Variants in ENOPH1 observed in about 807,000 individuals in gnomAD.
ENOPH1 encodes the protein enolase-phosphatase E1.
ENOPH1 carries 14 observed loss-of-function variants against 31.1 expected under a neutral mutation model. The ratio of observed to expected loss-of-function variants is 0.45; its 90% CI spans 0.30 to 0.70. ENOPH1 has a LOEUF of 0.70. Among genes scored for constraint, ENOPH1 ranks in the 30% least tolerant of loss-of-function variants. The pLI, the probability that ENOPH1 is intolerant of heterozygous loss-of-function variation, is 0.09. For missense variants in ENOPH1, 243 were observed against 321.5 expected (o/e 0.76, Z 1.87); for synonymous variants, 127 against 123.2 (o/e 1.03, Z -0.21).
chr4:82,438,954 A>G (rs1447542210), intron 1 of ENOPH1, among the ~76,000 whole-genome samples: 2 of 152,168 alleles, frequency 1.3e-5, no homozygotes, highest in Admixed American at 6.5e-5. Context: ...TTTGATTTTC[A>G]AAACTGGTTT....
chr4:82,433,761 T>A (rs750466622), intron 1 of ENOPH1, among the ~76,000 whole-genome samples: 4 of 152,216 alleles, frequency 2.6e-5, no homozygotes, highest in African/African-American at 7.2e-5. Context: ...TTTGTGAGAT[T>A]TCAAGAGAGT....
chr4:82,452,520 G>A lies in ENOPH1; in HGVS notation c.389+1275G>A, dbSNP rs532482284. Among the ~76,000 whole-genome samples the A allele has an allele frequency of 5.3e-5, 8 of 152,160 alleles. No homozygotes were observed. The East Asian group carries it at 1.4e-3, about 26-fold the overall frequency. Reference sequence around the variant, plus strand: ...TTGGCCAGGCTGGTCTTGAACTCCTGACCTCAAGTGGTCCACCCCATCTCA... The same window carrying A: ...TTGGCCAGGCTGGTCTTGAACTCCTAACCTCAAGTGGTCCACCCCATCTCA... On this transcript the variant is annotated intron_variant, in intron 3 of 5. Coordinates refer to ENST00000273920, the MANE Select transcript of ENOPH1 (RefSeq NM_021204.5).
intron 4 of ENOPH1, 151 bp from the exon 5 acceptor site, chr4:82,456,764 T>C: frequency 1.2e-6 from 1 of 824,356 alleles, no homozygotes; most frequent in Non-Finnish European, 1.8e-6. Flanking sequence ...TATTTTTACT[T>C]TGTATAGCCT....
chr4:82,448,261 G>T (rs376042355), intron 2 of ENOPH1, among the ~76,000 whole-genome samples: 11 of 125,654 alleles, frequency 8.8e-5, no homozygotes, highest in African/African-American at 2.1e-4. Context: ...GTTTTGTTTT[G>T]TTTTTTTTGT....
At chr4:82,435,022 A>G (rs1721871511) in intron 1 of ENOPH1, among the ~76,000 whole-genome samples, 1 of 152,156 alleles carries the variant, frequency 6.6e-6, no homozygotes, top group South Asian at 2.1e-4. Flanking sequence ...AGTTTTCCTT[A>G]GATGTTCCCA....
intron 1 of ENOPH1, among the ~76,000 whole-genome samples, chr4:82,441,777 A>AAACAAC (rs550702052): frequency 1.3e-5 from 2 of 149,676 alleles, no homozygotes; most frequent in African/African-American, 2.4e-5. Flanking sequence ...GTCTCTACAA[A>AAACAAC]AACAACAACA....
rs1306068570 is a variant in ENOPH1 at position 82,430,759 on chromosome 4, C to T, written c.-71C>T. On this transcript the variant is annotated 5_prime_UTR_variant, in exon 1 of 6. Transcript: ENST00000273920. ...GGAAGCCCAAGACGGTACCGGGGGC[C>T]GCAGCCGCAGCCGGCGCCGCCCTCC... 4.8e-6 allele frequency: 7 copies of T among 1,465,806 alleles called. No homozygotes were observed. The highest frequency in any genetic ancestry group is 6.7e-6 in the Non-Finnish European group (7 of 1,049,468). 90.8% of individuals were successfully genotyped at this position (1,465,806 alleles called of 1,614,324 possible).
intron 1 of ENOPH1, among the ~76,000 whole-genome samples, chr4:82,434,062 A>G (rs144080221): frequency 1.8e-3 from 281 of 152,294 alleles, no homozygotes; most frequent in African/African-American, 6.6e-3. Flanking sequence ...TACTGTCTAC[A>G]CTTTACTTAG....
At chr4:82,432,449 A>G (rs1721796328) in intron 1 of ENOPH1, among the ~76,000 whole-genome samples, 1 of 152,052 alleles carries the variant, frequency 6.6e-6, no homozygotes, top group African/African-American at 2.4e-5. Flanking sequence ...GCTTCAAGCG[A>G]TTCTTCTGTC....
chr4:82,431,438 A>G (rs1721756749), intron 1 of ENOPH1, among the ~76,000 whole-genome samples: 1 of 152,194 alleles, frequency 6.6e-6, no homozygotes, highest in Non-Finnish European at 1.5e-5. Flanking sequence ...TTAGTGGCCA[A>G]ACTGCACAGT....
chr4:82,445,060 A>AT (rs1722143233), intron 1 of ENOPH1, among the ~76,000 whole-genome samples: 1 of 152,090 alleles, frequency 6.6e-6, no homozygotes, highest in African/African-American at 2.4e-5. Context: ...TTTACAAAAC[A>AT]TTTTTTAAAA....
At chr4:82,457,552 G>C (rs1301709729) in intron 5 of ENOPH1, among the ~76,000 whole-genome samples, 1 of 152,190 alleles carries the variant, frequency 6.6e-6, no homozygotes, top group Non-Finnish European at 1.5e-5. Context: ...ATGTGGGGAA[G>C]TGGCATTGAA....
chr4:82,440,290 T>G (rs1455934083), intron 1 of ENOPH1, among the ~76,000 whole-genome samples: 1 of 152,192 alleles, frequency 6.6e-6, no homozygotes, highest in East Asian at 1.9e-4. Context: ...GAAACCTCTT[T>G]GGGGAATCAA....
intron 3 of ENOPH1, 98 bp from the exon 4 acceptor site, chr4:82,454,623 GT>G (rs1350259912): frequency 8.2e-6 from 11 of 1,342,632 alleles, no homozygotes; most frequent in Non-Finnish European, 1.1e-5. Context: ...AGGTTACCAT[GT>G]GGGCACAAAG....
chr4:82,447,378 T>A (rs1722223610), intron 1 of ENOPH1, among the ~76,000 whole-genome samples: 1 of 152,226 alleles, frequency 6.6e-6, no homozygotes, highest in African/African-American at 2.4e-5. Context: ...TTTTAAATAC[T>A]TGTCATGTAT....
At chr4:82,436,986 C>T (rs1022448862) in intron 1 of ENOPH1, among the ~76,000 whole-genome samples, 1 of 152,030 alleles carries the variant, frequency 6.6e-6, no homozygotes, top group Non-Finnish European at 1.5e-5. Flanking sequence ...TGGTGGCTCA[C>T]CCCTGTAATC....
intron 1 of ENOPH1, among the ~76,000 whole-genome samples, chr4:82,440,490 T>C (rs956037126): frequency 1.4e-4 from 21 of 152,212 alleles, no homozygotes; most frequent in Non-Finnish European, 2.9e-4. Context: ...TGAACCTCAG[T>C]GTCTTCCTCT....
At chr4:82,448,915 G>A (rs1046275442) in intron 2 of ENOPH1, among the ~76,000 whole-genome samples, 10 of 151,320 alleles carry the variant, frequency 6.6e-5, no homozygotes, top group Non-Finnish European at 1.2e-4. Context: ...AAAATTAGCC[G>A]GGCGTAGTGG....
chr4:82,447,751 T>G (rs907423540), intron 1 of ENOPH1, among the ~76,000 whole-genome samples, 169 bp from the exon 2 acceptor site: 2 of 152,226 alleles, frequency 1.3e-5, no homozygotes, highest in African/African-American at 4.8e-5. Flanking sequence ...GTCTAGTTTA[T>G]TTGTTTCTTG....
Sources: allele counts gnomAD v4.1 joint callset (sites outside exome capture counted in the v4.1 genomes callset), GRCh38; gene constraint gnomAD v4.1.1; transcripts MANE v1.5; gene names NCBI Gene and HGNC (gene_info 2026-07-23, HGNC 2026-07-21).